Variants in WASHC3 observed in about 807,000 individuals in gnomAD.
WASHC3 encodes WASH complex subunit CCDC53.
WASHC3 carries 24 observed loss-of-function variants against 26.1 expected under a neutral mutation model. The ratio of observed to expected loss-of-function variants is 0.92; its 90% CI spans 0.66 to 1.29. The LOEUF (loss-of-function observed/expected upper bound fraction) is 1.29, where lower values mean the gene tolerates loss of function less well. Among genes scored for constraint, WASHC3 ranks in the 50% most tolerant of loss-of-function variants. The pLI is 0.00. For synonymous variants in WASHC3, 77 were observed against 75.7 expected (o/e 1.02, Z -0.09); for missense variants, 214 against 229.6 (o/e 0.93, Z 0.44).
At chr12:102,039,482 T>C (rs959567225) in intron 5 of WASHC3, among the ~76,000 whole-genome samples, 1 of 152,110 alleles carries the variant, frequency 6.6e-6, no homozygotes, top group African/African-American at 2.4e-5. Context: ...CAAGAGATCA[T>C]TGATAAACAT....
intron 5 of WASHC3, among the ~76,000 whole-genome samples, chr12:102,039,552 G>C (rs1877849810): frequency 6.6e-6 from 1 of 152,044 alleles, no homozygotes; most frequent in Admixed American, 6.6e-5. Flanking sequence ...AGAGTCAACT[G>C]ATTTACCAAA....
chr12:102,052,500 C>T (rs1878431860), intron 2 of WASHC3, among the ~76,000 whole-genome samples: 1 of 152,178 alleles, frequency 6.6e-6, no homozygotes, highest in African/African-American at 2.4e-5. Context: ...CAGGACAGTC[C>T]CAGCACCAGG....
chr12:102,058,238 C>T (rs890541621), intron 2 of WASHC3, among the ~76,000 whole-genome samples: 1 of 152,046 alleles, frequency 6.6e-6, no homozygotes, highest in Non-Finnish European at 1.5e-5. Flanking sequence ...GACCCTCATC[C>T]TTTACCATAT....
rs1288076462 is a variant in WASHC3, at chr12:102,013,279, A to G, written c.501-87T>C. ...TCTTAAATTTGGTTCATCTTAGAAT[A>G]TTGCTGCTAATAAATCTGCCAAGTC... On this transcript the variant is annotated intron_variant, in intron 6 of 6. Transcript: ENST00000240079. 2.1e-5 allele frequency: 14 copies of G among 676,212 alleles called. No homozygotes were observed. The East Asian group carries it at 3.8e-4, about 18-fold the overall frequency. The allele number at this position is 676,212 out of a possible 1,614,324, so 41.9% of individuals were successfully genotyped here. A position where few individuals can be genotyped will look rare whatever the true frequency, so the allele number is the denominator to read the frequency against.
intron 1 of WASHC3, 96 bp downstream of exon 1, chr12:102,061,816 G>C: frequency 1.9e-6 from 2 of 1,070,190 alleles, no homozygotes; most frequent in South Asian, 2.9e-5. Context: ...GGCCGTGACA[G>C]GGTGGGGACT....
rs1876541131 is a variant in WASHC3, at chr12:102,012,980, T to C, written c.*128A>G. 1 of 515,342 alleles carries C rather than the reference T, an allele frequency of 1.9e-6. No homozygotes were observed. Among genetic ancestry groups the C allele is most frequent in the East Asian group, 3.2e-5 (1 of 30,906 alleles). The allele number at this position is 515,342 out of a possible 1,614,324, so 31.9% of individuals were successfully genotyped here. A position where few individuals can be genotyped will look rare whatever the true frequency, so the allele number is the denominator to read the frequency against. On this transcript the variant is annotated 3_prime_UTR_variant, in exon 7 of 7. Coordinates refer to ENST00000240079, the MANE Select transcript of WASHC3 (RefSeq NM_016053.4). ...CTGCTTTATTATTATTTTTTTAACATAGAAGAAGCTTGGTAGTGGACATGT... is the reference window on the plus strand; with the variant it reads ...CTGCTTTATTATTATTTTTTTAACACAGAAGAAGCTTGGTAGTGGACATGT...
intron 2 of WASHC3, chr12:102,059,624 TC>T (rs1014493101): frequency 6.6e-6 from 1 of 152,158 alleles, no homozygotes; most frequent in Non-Finnish European, 1.5e-5. Flanking sequence ...TGAAGGGCTA[TC>T]CCTGTTTCAG....
intron 3 of WASHC3, among the ~76,000 whole-genome samples, chr12:102,045,355 G>A (rs576873891): frequency 6.6e-6 from 1 of 152,050 alleles, no homozygotes; most frequent in African/African-American, 2.4e-5. Context: ...TATTAAAAAG[G>A]GATATCATTT....
At chr12:102,027,459 T>C (rs1029240923) in intron 5 of WASHC3, among the ~76,000 whole-genome samples, 2 of 152,204 alleles carry the variant, frequency 1.3e-5, no homozygotes, top group Non-Finnish European at 2.9e-5. Flanking sequence ...AAATTTAATA[T>C]GAAAAGTCTT....
At chr12:102,034,170 C>T (rs1056095264) in intron 5 of WASHC3, among the ~76,000 whole-genome samples, 2 of 152,036 alleles carry the variant, frequency 1.3e-5, no homozygotes, top group East Asian at 3.9e-4. Context: ...CCCCCTGAAC[C>T]CTGTTTGTTC....
intron 2 of WASHC3, among the ~76,000 whole-genome samples, chr12:102,049,155 G>T (rs1002475421): frequency 6.6e-6 from 1 of 152,114 alleles, no homozygotes; most frequent in African/African-American, 2.4e-5. Flanking sequence ...TTGCTGCAGG[G>T]GACTGTCCTG....
At chr12:102,049,361 A>G (rs1878297667) in intron 2 of WASHC3, among the ~76,000 whole-genome samples, 2 of 152,348 alleles carry the variant, frequency 1.3e-5, no homozygotes, top group South Asian at 4.1e-4. Context: ...CTCACCTCTG[A>G]AAGTTTTAGC....
chr12:102,055,999 C>T (rs1331196894), intron 2 of WASHC3, among the ~76,000 whole-genome samples: 1 of 152,248 alleles, frequency 6.6e-6, no homozygotes. Flanking sequence ...TACAGTAGTT[C>T]TTCAAGCAGG....
intron 4 of WASHC3, among the ~76,000 whole-genome samples, chr12:102,041,106 T>C (rs1049455577): frequency 4.0e-5 from 6 of 151,464 alleles, no homozygotes; most frequent in African/African-American, 1.5e-4. Context: ...AGTGAGTATA[T>C]ATATATACAT....
chr12:102,058,339 C>T (rs551803501), intron 2 of WASHC3, among the ~76,000 whole-genome samples: 3 of 152,202 alleles, frequency 2.0e-5, no homozygotes, highest in South Asian at 2.1e-4. Context: ...GAAAGTTGCA[C>T]GACATTGGTC....
At chr12:102,044,458 G>C (rs1029498626) in intron 3 of WASHC3, among the ~76,000 whole-genome samples, 2 of 152,172 alleles carry the variant, frequency 1.3e-5, no homozygotes, top group Non-Finnish European at 2.9e-5. Context: ...TAAGGACTGA[G>C]AGCCTGGTCT....
At chr12:102,055,060 A>T (rs1250939580) in intron 2 of WASHC3, among the ~76,000 whole-genome samples, 3 of 152,184 alleles carry the variant, frequency 2.0e-5, no homozygotes, top group Admixed American at 2.0e-4. Context: ...AATGATCGGA[A>T]CAGAAAAAAA....
chr12:102,048,933 T>C (rs968324666), intron 2 of WASHC3, among the ~76,000 whole-genome samples: 9 of 152,224 alleles, frequency 5.9e-5, no homozygotes, highest in Non-Finnish European at 1.2e-4. Flanking sequence ...GTTTTGTATG[T>C]TCCAGTGTAA....
At chr12:102,053,568 C>T (rs1489843241) in intron 2 of WASHC3, among the ~76,000 whole-genome samples, 1 of 152,190 alleles carries the variant, frequency 6.6e-6, no homozygotes. Context: ...CAGAGAAACA[C>T]GTCACTACTA....
Sources: gnomAD v4.1 joint callset for allele counts (sites outside exome capture counted in the v4.1 genomes callset) on GRCh38, gnomAD v4.1.1 for gene constraint, MANE v1.5 for transcripts, NCBI Gene and HGNC (gene_info 2026-07-23, HGNC 2026-07-21) for gene names.